The following COL24A1 variants were observed in gnomAD, a reference collection of about 807,000 sequenced individuals.
The protein encoded by COL24A1 is collagen alpha-1(XXIV) chain.
Under a neutral mutation model 253.9 loss-of-function variants are expected in COL24A1, and 224 were observed. The ratio of observed to expected loss-of-function variants is 0.88; its 90% CI spans 0.79 to 0.99. COL24A1 has a LOEUF of 0.99. COL24A1 is among the 50% of genes least tolerant of loss of function. The probability of loss-of-function intolerance (pLI) is 0.00; values close to 1 mark genes in which losing one functional copy is unlikely to be tolerated. For missense variants in COL24A1, 2,131 were observed against 2,068.5 expected (o/e 1.03, Z -0.59); for synonymous variants, 685 against 673.7 (o/e 1.02, Z -0.26).
At chr1:85,760,175 T>C (rs1183239581) in intron 55 of COL24A1, among the ~76,000 whole-genome samples, 1 of 151,722 alleles carries the variant, frequency 6.6e-6, no homozygotes. Context: ...CGGGCTCAGG[T>C]GATTCTCTTG....
At chr1:86,013,266 T>C (rs886469764) in intron 19 of COL24A1, among the ~76,000 whole-genome samples, 4 of 152,200 alleles carry the variant, frequency 2.6e-5, no homozygotes, top group Admixed American at 6.5e-5. Flanking sequence ...GGTCTCATCA[T>C]TTTGGCCCCT....
At chr1:86,144,392 C>G (rs1483902068) in intron 2 of COL24A1, among the ~76,000 whole-genome samples, 2 of 151,952 alleles carry the variant, frequency 1.3e-5, no homozygotes, top group African/African-American at 4.8e-5. Context: ...TTATTAAACT[C>G]ATAATGCCAG....
At position 86,151,754 on chromosome 1, in the gene COL24A1, C is replaced by A. The variant is rs1247591256; in HGVS notation, c.56+4587G>T. 2.0e-5 allele frequency among the ~76,000 whole-genome samples: 3 copies of A among 152,274 alleles called. No homozygotes were observed. The East Asian group carries it at 5.8e-4, about 29-fold the overall frequency. The stretch of plus-strand genomic sequence containing the variant: ...TCCGAGGGATCTTTTGCTTAGGGTA[C>A]CCCTGAGACTCTAAGGTATTATAAC... On this transcript the variant is annotated intron_variant, in intron 1 of 59. Transcript: ENST00000370571.
chr1:85,786,878 G>C (rs541069636), intron 47 of COL24A1, among the ~76,000 whole-genome samples: 158 of 152,214 alleles, frequency 1.0e-3, no homozygotes, highest in African/African-American at 3.2e-3. Context: ...CAGAAAATTT[G>C]CTAAAAATTG....
At chr1:86,085,891 C>T (rs184795217) in intron 7 of COL24A1, among the ~76,000 whole-genome samples, 168 of 152,176 alleles carry the variant, frequency 1.1e-3, no homozygotes, top group African/African-American at 3.9e-3. Flanking sequence ...AAGAAGCAAA[C>T]CAAAAAATCT....
At chr1:85,745,109 G>A (rs2100939580) in intron 56 of COL24A1, among the ~76,000 whole-genome samples, 1 of 152,024 alleles carries the variant, frequency 6.6e-6, no homozygotes, top group East Asian at 1.9e-4. Flanking sequence ...AATCATTAGA[G>A]TTTAAATAAA....
chr1:85,782,169 C>G (rs992356338), intron 51 of COL24A1, among the ~76,000 whole-genome samples: 1 of 152,178 alleles, frequency 6.6e-6, no homozygotes, highest in Non-Finnish European at 1.5e-5. Context: ...TCACTGTAAC[C>G]TTTGCCTCCT....
intron 28 of COL24A1, among the ~76,000 whole-genome samples, chr1:85,906,277 T>TTTTTTTTTTTTTTTTTA (rs1684817809): frequency 1.4e-5 from 2 of 147,610 alleles, no homozygotes; most frequent in Non-Finnish European, 3.0e-5. Flanking sequence ...TTTTTTTTTT[T>TTTTTTTTTTTTTTTTTA]ACCATGGTTA....
chr1:85,864,672 A>G (rs973961681), intron 37 of COL24A1, among the ~76,000 whole-genome samples: 2 of 152,144 alleles, frequency 1.3e-5, no homozygotes, highest in Non-Finnish European at 2.9e-5. Context: ...TATTTAAAAA[A>G]CTTATTGGAG....
chr1:85,997,041 A>ATGTGTGTGTGTGTGTGTGTGTGTGTGTG, intron 19 of COL24A1, among the ~76,000 whole-genome samples: 1 of 81,168 alleles, frequency 1.2e-5, no homozygotes, highest in Middle Eastern at 5.8e-3. Context: ...ATATATATAT[A>ATGTGTGTGTGTGTGTGTGTGTGTGTGTG]TGTGTGTGTG....
intron 7 of COL24A1, among the ~76,000 whole-genome samples, chr1:86,070,442 C>T (rs1230762012): frequency 6.6e-6 from 1 of 152,008 alleles, no homozygotes; most frequent in African/African-American, 2.4e-5. Flanking sequence ...CAGAGAACTC[C>T]CCAAACCTAG....
intron 24 of COL24A1, among the ~76,000 whole-genome samples, chr1:85,952,948 T>C (rs1220228271): frequency 6.6e-6 from 1 of 152,206 alleles, no homozygotes; most frequent in African/African-American, 2.4e-5. Context: ...ACTCTCAGAT[T>C]ATAATTCAGC....
chr1:86,017,955 T>C (rs2101253975), intron 18 of COL24A1, among the ~76,000 whole-genome samples: 1 of 152,242 alleles, frequency 6.6e-6, no homozygotes, highest in East Asian at 1.9e-4. Context: ...TTTCTGACAT[T>C]CATGATAAAG....
At chr1:85,851,001 GTATA>G (rs139769173) in intron 37 of COL24A1, among the ~76,000 whole-genome samples, 8 of 139,162 alleles carry the variant, frequency 5.7e-5, no homozygotes, top group Admixed American at 7.3e-5. Flanking sequence ...GTGTGTGTGT[GTATA>G]TATATATATA....
At chr1:85,787,115 G>T (rs1230765034) in intron 47 of COL24A1, among the ~76,000 whole-genome samples, 8 of 151,536 alleles carry the variant, frequency 5.3e-5, no homozygotes, top group African/African-American at 1.9e-4. Flanking sequence ...AAGTTTTACT[G>T]GACAGTCATG....
Position 86,052,551 on chromosome 1 carries a change from A to G in COL24A1, c.1852-2374T>C, listed in dbSNP as rs117711122. ...AGTAGTCAAATTCATACAGACAGAAAGTAGAATGGTGGTTGCCAGGGACTG... is the reference window on the plus strand; with the variant it reads ...AGTAGTCAAATTCATACAGACAGAAGGTAGAATGGTGGTTGCCAGGGACTG... On this transcript the variant is annotated intron_variant, in intron 10 of 59. Transcript: ENST00000370571. 2.4e-3 allele frequency among the ~76,000 whole-genome samples: 372 copies of G among 152,180 alleles called. 9 individuals are homozygous for G. In the East Asian group the frequency reaches 0.046, roughly 19 times the overall value.
chr1:86,127,467 C>T (rs532418522), intron 2 of COL24A1, among the ~76,000 whole-genome samples: 73 of 152,148 alleles, frequency 4.8e-4, no homozygotes, highest in African/African-American at 1.7e-3. Flanking sequence ...ATTTGTCCCA[C>T]AGCAATCTGA....
chr1:85,779,081 CTG>C (rs895175358), intron 52 of COL24A1, among the ~76,000 whole-genome samples: 5 of 152,016 alleles, frequency 3.3e-5, no homozygotes, highest in Non-Finnish European at 5.9e-5. Context: ...AGTCAACTCA[CTG>C]TAGCCTGGAA....
At chr1:85,785,927 TTAACTC>T (rs1052821118) in intron 48 of COL24A1, among the ~76,000 whole-genome samples, 5 of 152,230 alleles carry the variant, frequency 3.3e-5, no homozygotes, top group Admixed American at 1.3e-4. Flanking sequence ...TACTGTCACA[TTAACTC>T]TAAGAAACAG....
Sources: gnomAD v4.1 joint callset for allele counts (sites outside exome capture counted in the v4.1 genomes callset) on GRCh38, gnomAD v4.1.1 for gene constraint, MANE v1.5 for transcripts, NCBI Gene and HGNC (gene_info 2026-07-23, HGNC 2026-07-21) for gene names.